RGS8: variants seen among roughly 807,000 people sequenced by gnomAD.
The protein encoded by RGS8 is regulator of G protein signaling 8, also known as regulator of G-protein signaling 8.
RGS8 carries 8 observed loss-of-function variants against 21.7 expected under a neutral mutation model. The observed-to-expected ratio is 0.37, with a 90% CI of 0.22 to 0.66. The LOEUF (loss-of-function observed/expected upper bound fraction) is 0.66. Among genes scored for constraint, RGS8 ranks in the 30% least tolerant of loss-of-function variants. RGS8 has a pLI of 0.59. For synonymous variants in RGS8, 80 were observed against 83.6 expected (o/e 0.96, Z 0.24); for missense variants, 157 against 217.9 (o/e 0.72, Z 1.76).
the RGS8 span, among the ~76,000 whole-genome samples, chr1:182,743,821 C>A: frequency 3.3e-5 from 5 of 152,200 alleles, no homozygotes; most frequent in African/African-American, 1.2e-4. Context: ...CACATGCATA[C>A]AACACACATG....
At chr1:182,722,750 G>C in the RGS8 span, among the ~76,000 whole-genome samples, 1 of 152,106 alleles carries the variant, frequency 6.6e-6, no homozygotes, top group South Asian at 2.1e-4. Context: ...TCTGAGGCGG[G>C]TGGATCACGA....
At chr1:182,679,828 C>T (rs894283190) in intron 1 of RGS8, among the ~76,000 whole-genome samples, 5 of 152,048 alleles carry the variant, frequency 3.3e-5, no homozygotes, top group East Asian at 3.9e-4. Flanking sequence ...CCACTCCACC[C>T]GCACCCCCTA....
At chr1:182,648,022 G>C in intron 6 of RGS8, 115 bp downstream of exon 7, 5 of 888,564 alleles carry the variant, frequency 5.6e-6, no homozygotes, top group Non-Finnish European at 7.9e-6. Context: ...CCAGAGTGAT[G>C]AGGCTCAGTT....
the RGS8 span, among the ~76,000 whole-genome samples, chr1:182,704,500 G>C: frequency 5.3e-5 from 8 of 152,308 alleles, no homozygotes; most frequent in South Asian, 1.0e-3. Context: ...AGAAAAGTGT[G>C]CCAGTTTGGA....
the RGS8 span, among the ~76,000 whole-genome samples, chr1:182,738,325 T>C: frequency 8.5e-5 from 13 of 152,328 alleles, no homozygotes; most frequent in Non-Finnish European, 1.6e-4. Flanking sequence ...AATGATACTT[T>C]TCCAGGTGTA....
At chr1:182,744,865 G>A in the RGS8 span, among the ~76,000 whole-genome samples, 1 of 152,090 alleles carries the variant, frequency 6.6e-6, no homozygotes, top group African/African-American at 2.4e-5. Flanking sequence ...CATCACCCCA[G>A]AAAGAAACCC....
chr1:182,648,429 A>G, intron 5 of RGS8, 126 bp from the exon 7 acceptor site: 1 of 955,822 alleles, frequency 1.0e-6, no homozygotes, highest in Admixed American at 2.2e-5. Flanking sequence ...GCTCCTCCAC[A>G]CCCTCTTGAA....
chr1:182,727,353 G>A, the RGS8 span, among the ~76,000 whole-genome samples: 1 of 152,192 alleles, frequency 6.6e-6, no homozygotes, highest in Non-Finnish European at 1.5e-5. Flanking sequence ...GTAGAACAGT[G>A]CCTGGCTCAT....
chr1:182,662,910 A>G (rs1663664107), intron 5 of RGS8, among the ~76,000 whole-genome samples: 1 of 151,632 alleles, frequency 6.6e-6, no homozygotes, highest in Non-Finnish European at 1.5e-5. Flanking sequence ...CAAAACACCC[A>G]ACGGAACAGG....
At chr1:182,669,586 A>G (rs1664049851) in intron 3 of RGS8, 38 bp downstream of exon 4, 2 of 1,614,022 alleles carry the variant, frequency 1.2e-6, no homozygotes, top group African/African-American at 1.3e-5. Flanking sequence ...AAAAGAGGAA[A>G]GGGTCAGGGG....
At chr1:182,740,548 GTTTT>G in the RGS8 span, among the ~76,000 whole-genome samples, 443 of 75,968 alleles carry the variant, frequency 5.8e-3, 4 homozygotes, top group East Asian at 0.014. Context: ...TTGTTTGTTT[GTTTT>G]TTTTTTTTTT....
the RGS8 span, among the ~76,000 whole-genome samples, chr1:182,752,356 A>T: frequency 6.6e-6 from 1 of 152,214 alleles, no homozygotes; most frequent in Non-Finnish European, 1.5e-5. Context: ...GGTTCCTGTC[A>T]GGAACAGCAT....
chr1:182,740,346 C>T, the RGS8 span, among the ~76,000 whole-genome samples: 2 of 152,278 alleles, frequency 1.3e-5, no homozygotes, highest in South Asian at 4.2e-4. Flanking sequence ...TTTACTGATA[C>T]TTATTCTGTT....
the RGS8 span, among the ~76,000 whole-genome samples, chr1:182,713,293 C>T: frequency 1.3e-5 from 2 of 152,276 alleles, no homozygotes; most frequent in East Asian, 1.9e-4. Context: ...AAGTGATTCT[C>T]CTGCCTCAGC....
At chr1:182,710,035 G>C in the RGS8 span, among the ~76,000 whole-genome samples, 3 of 152,138 alleles carry the variant, frequency 2.0e-5, no homozygotes, top group Admixed American at 2.0e-4. Flanking sequence ...TTCTAAGAGA[G>C]AGAGAGGGCT....
chr1:182,710,483 A>T, the RGS8 span, among the ~76,000 whole-genome samples: 3 of 152,160 alleles, frequency 2.0e-5, no homozygotes, highest in Non-Finnish European at 4.4e-5. Context: ...TAAATGACTA[A>T]TAAAATGCTG....
At chr1:182,706,709 A>G in the RGS8 span, among the ~76,000 whole-genome samples, 1 of 150,278 alleles carries the variant, frequency 6.7e-6, no homozygotes, top group Non-Finnish European at 1.5e-5. Context: ...TCAGATATCC[A>G]CCCACCTCAG....
the RGS8 span, among the ~76,000 whole-genome samples, chr1:182,706,894 T>A: frequency 6.6e-6 from 1 of 152,138 alleles, no homozygotes; most frequent in African/African-American, 2.4e-5. Flanking sequence ...TTTCAGATTT[T>A]TTTTCTAAAA....
At chr1:182,741,870 G>T in the RGS8 span, among the ~76,000 whole-genome samples, 1 of 138,312 alleles carries the variant, frequency 7.2e-6, no homozygotes, top group East Asian at 2.2e-4. Flanking sequence ...GCGGCTGGCC[G>T]GGCGGGGGGC....
Sources: gnomAD v4.1 joint callset for allele counts (sites outside exome capture counted in the v4.1 genomes callset) on GRCh38, gnomAD v4.1.1 for gene constraint, MANE v1.5 for transcripts, NCBI Gene and HGNC (gene_info 2026-07-23, HGNC 2026-07-21) for gene names.